VWA8: variants seen among roughly 807,000 people sequenced by gnomAD.
VWA8 encodes the protein von Willebrand factor A domain containing 8.
In VWA8, 221 loss-of-function variants were observed where a neutral mutation model predicts 241.5. The ratio of observed to expected loss-of-function variants is 0.91; its 90% confidence interval spans 0.82 to 1.02. The LOEUF (loss-of-function observed/expected upper bound fraction) is 1.02, where lower values mean the gene tolerates loss of function less well. Ranked by LOEUF, VWA8 falls within the 50% of genes least tolerant of loss-of-function variation. The pLI, the probability that VWA8 is intolerant of heterozygous loss-of-function variation, is 0.00. For synonymous variants in VWA8, 852 were observed against 827.1 expected (o/e 1.03, Z -0.52); for missense variants, 2,322 against 2,328.7 (o/e 1.00, Z 0.06).
chr13:41,668,736 T>C (rs1038501732), intron 37 of VWA8, among the ~76,000 whole-genome samples: 1 of 152,126 alleles, frequency 6.6e-6, no homozygotes, highest in Non-Finnish European at 1.5e-5. Context: ...AAAACAATGA[T>C]AGATTATTAA....
At chr13:41,621,299 A>G (rs988319127) in intron 37 of VWA8, among the ~76,000 whole-genome samples, 2 of 152,226 alleles carry the variant, frequency 1.3e-5, no homozygotes, top group African/African-American at 4.8e-5. Flanking sequence ...AGGCTAGGCT[A>G]AGCAATGAAG....
At chr13:41,739,657 A>G (rs1265284184) in intron 21 of VWA8, among the ~76,000 whole-genome samples, 1 of 152,110 alleles carries the variant, frequency 6.6e-6, no homozygotes, top group Non-Finnish European at 1.5e-5. Context: ...AAAGAAAATC[A>G]GTGTTTAAGT....
chr13:41,587,030 A>AAC (rs58293208), intron 42 of VWA8, among the ~76,000 whole-genome samples: 8,655 of 152,250 alleles, frequency 0.057, 666 homozygotes, highest in African/African-American at 0.18. Flanking sequence ...CCAAAATGGA[A>AAC]ACAGTTGAAA....
At chr13:41,707,387 C>T (rs1233508030) in intron 26 of VWA8, among the ~76,000 whole-genome samples, 1 of 152,168 alleles carries the variant, frequency 6.6e-6, no homozygotes, top group Admixed American at 6.5e-5. Flanking sequence ...GGGCATTATG[C>T]AATTGGAAGT....
At chr13:41,868,586 T>C in intron 9 of VWA8, 109 bp from the exon 10 acceptor site, 5 of 1,330,808 alleles carry the variant, frequency 3.8e-6, no homozygotes, top group Non-Finnish European at 5.0e-6. Context: ...TATATTATTA[T>C]ATAAAAGTAG....
intron 12 of VWA8, chr13:41,864,561 G>C (rs901020184): frequency 1.2e-5 from 5 of 417,432 alleles, no homozygotes; most frequent in African/African-American, 4.2e-5. Context: ...ATTATGGTAA[G>C]TAAAATAAAC....
intron 8 of VWA8, among the ~76,000 whole-genome samples, chr13:41,883,843 T>C (rs184498861): frequency 1.1e-3 from 174 of 152,300 alleles, no homozygotes; most frequent in Non-Finnish European, 2.2e-3. Flanking sequence ...ACAGAATACA[T>C]GTCTCTACCT....
chr13:41,728,148 C>G (rs61964893), intron 23 of VWA8, among the ~76,000 whole-genome samples: 53,483 of 138,348 alleles, frequency 0.39, 10,860 homozygotes, highest in East Asian at 0.58. Context: ...GAAGAGCCTA[C>G]TCTCATTTTT....
Position 41,568,080 on chromosome 13 carries a change from CG to C in VWA8, c.*116del. On this transcript the variant is annotated 3_prime_UTR_variant, in exon 45 of 45. Coordinates refer to ENST00000379310, the MANE Select transcript of VWA8 (RefSeq NM_015058.2). ...CAAGTGTAGGAAGACCCAGGAATGC[CG>C]GAATCATCCAGTCACTGCATGGGTT... 1.2e-6 allele frequency: 1 copy of C among 831,878 alleles called. No homozygotes were observed. The highest frequency in any genetic ancestry group is 1.9e-6 in the Non-Finnish European group (1 of 518,044). 51.5% of individuals were successfully genotyped at this position (831,878 alleles called of 1,614,324 possible). A position where few individuals can be genotyped will look rare whatever the true frequency, so the allele number is the denominator to read the frequency against.
At chr13:41,769,730 C>T (rs965141677) in intron 20 of VWA8, among the ~76,000 whole-genome samples, 1 of 152,048 alleles carries the variant, frequency 6.6e-6, no homozygotes, top group African/African-American at 2.4e-5. Context: ...AATATTTTTA[C>T]CTTTTTGAAC....
intron 28 of VWA8, among the ~76,000 whole-genome samples, chr13:41,700,829 T>C (rs9566823): frequency 0.21 from 32,041 of 152,116 alleles, 3,339 homozygotes; most frequent in Non-Finnish European, 0.23. Context: ...AGAGACTCTC[T>C]CCCTTCCCCC....
intron 12 of VWA8, among the ~76,000 whole-genome samples, chr13:41,840,669 G>A (rs1003252687): frequency 2.0e-5 from 3 of 151,760 alleles, no homozygotes; most frequent in African/African-American, 7.3e-5. Flanking sequence ...TGAGGCACAA[G>A]GATCACTTGA....
chr13:41,617,108 T>C (rs940086288), intron 37 of VWA8, among the ~76,000 whole-genome samples: 2 of 152,044 alleles, frequency 1.3e-5, no homozygotes, highest in Non-Finnish European at 2.9e-5. Flanking sequence ...AACTTACATA[T>C]GGAGATACTA....
At chr13:41,622,849 A>G (rs754471206) in intron 37 of VWA8, among the ~76,000 whole-genome samples, 1 of 152,230 alleles carries the variant, frequency 6.6e-6, no homozygotes, top group Non-Finnish European at 1.5e-5. Context: ...ATAATCCTGG[A>G]AGAAAAGTGA....
chr13:41,800,633 A>T (rs1237906116), intron 17 of VWA8, among the ~76,000 whole-genome samples: 3 of 7,228 alleles, frequency 4.2e-4, no homozygotes, highest in Admixed American at 4.8e-3. Context: ...CTAAAAATAC[A>T]AAAAAAAAAA....
At chr13:41,588,395 T>C (rs1161793149) in intron 41 of VWA8, among the ~76,000 whole-genome samples, 2 of 152,162 alleles carry the variant, frequency 1.3e-5, no homozygotes, top group Non-Finnish European at 2.9e-5. Flanking sequence ...TTTGCAGATT[T>C]TAAGAAAAAG....
chr13:41,580,858 C>T (rs1053957712), intron 42 of VWA8, among the ~76,000 whole-genome samples: 2 of 152,068 alleles, frequency 1.3e-5, no homozygotes, highest in Admixed American at 6.6e-5. Flanking sequence ...GCCATTCCTA[C>T]CCCCCAAATT....
chr13:41,856,845 A>AG (rs1397931557), intron 12 of VWA8, among the ~76,000 whole-genome samples: 1 of 151,774 alleles, frequency 6.6e-6, no homozygotes, highest in Non-Finnish European at 1.5e-5. Flanking sequence ...AATTAAAAAA[A>AG]AAAAAAAAAG....
intron 37 of VWA8, among the ~76,000 whole-genome samples, chr13:41,642,905 G>A (rs553813872): frequency 7.6e-4 from 115 of 152,158 alleles, no homozygotes; most frequent in Non-Finnish European, 1.5e-3. Context: ...CTCCAGCCTG[G>A]GCAATGGAGC....
Sources: allele counts gnomAD v4.1 joint callset (sites outside exome capture counted in the v4.1 genomes callset), GRCh38; gene constraint gnomAD v4.1.1; transcripts MANE v1.5; gene names NCBI Gene and HGNC (gene_info 2026-07-23, HGNC 2026-07-21).